The following AKT3 variants were observed in gnomAD, a reference collection of about 807,000 sequenced individuals.
The protein encoded by AKT3 is AKT serine/threonine kinase 3, also known as RAC-gamma serine/threonine-protein kinase.
In AKT3, 15 loss-of-function variants were observed where a neutral mutation model predicts 65.3. The observed-to-expected ratio is 0.23, with a 90% CI of 0.15 to 0.35. The LOEUF is 0.35. AKT3 is among the 10% of genes least tolerant of loss of function. The pLI, the probability that AKT3 is intolerant of heterozygous loss-of-function variation, is 1.00. For synonymous variants in AKT3, 206 were observed against 183.8 expected (o/e 1.12, Z -0.98); for missense variants, 243 against 576.5 (o/e 0.42, Z 5.92).
At chr1:243,544,272 G>A (rs1184799527) in intron 12 of AKT3, among the ~76,000 whole-genome samples, 1 of 149,048 alleles carries the variant, frequency 6.7e-6, no homozygotes, top group African/African-American at 2.5e-5. Context: ...AAAGCAGGGG[G>A]AGGGGGGGAC....
Position 243,661,484 on chromosome 1 carries a change from G to T in AKT3, c.284+3288C>A, listed in dbSNP as rs1356237526. Among the ~76,000 whole-genome samples the T allele has an allele frequency of 5.0e-4, 75 of 150,480 alleles. 1 individual carries two copies. Among genetic ancestry groups the T allele is most frequent in the Non-Finnish European group, 8.3e-4 (56 of 67,148 alleles). Reference sequence around the variant, plus strand: ...ATTCCCTATTTAATAAATGGTGCTGGGAAAACTGGCTAGCCATATGTAGAA... The same window carrying T: ...ATTCCCTATTTAATAAATGGTGCTGTGAAAACTGGCTAGCCATATGTAGAA... On this transcript the variant is annotated intron_variant, in intron 4 of 13. Coordinates refer to ENST00000673466, the MANE Select transcript of AKT3 (RefSeq NM_005465.7).
chr1:243,627,363 T>C (rs1679253690), intron 6 of AKT3, among the ~76,000 whole-genome samples: 1 of 151,826 alleles, frequency 6.6e-6, no homozygotes. Context: ...GACATACTGA[T>C]TGATCTTGAA....
intron 2 of AKT3, among the ~76,000 whole-genome samples, chr1:243,719,361 C>G (rs1686730027): frequency 6.6e-6 from 1 of 152,040 alleles, no homozygotes; most frequent in Non-Finnish European, 1.5e-5. Flanking sequence ...CCAAATTGTT[C>G]TATCTTTTAT....
intron 2 of AKT3, among the ~76,000 whole-genome samples, chr1:243,840,145 T>C (rs1695151529): frequency 6.6e-6 from 1 of 152,086 alleles, no homozygotes. Flanking sequence ...CATTCCAGCC[T>C]GGGTGACAGA....
chr1:243,600,914 G>T (rs994863708), intron 8 of AKT3, among the ~76,000 whole-genome samples: 4 of 152,040 alleles, frequency 2.6e-5, no homozygotes, highest in Non-Finnish European at 5.9e-5. Context: ...GCCTATCAGT[G>T]GTTTTCAGGG....
intron 3 of AKT3, among the ~76,000 whole-genome samples, chr1:243,670,941 A>T (rs1312682064): frequency 6.6e-6 from 1 of 152,204 alleles, no homozygotes; most frequent in Non-Finnish European, 1.5e-5. Context: ...CCAAAAAAAA[A>T]ATTTTTAGAG....
intron 12 of AKT3, 86 bp from the exon 13 acceptor site, chr1:243,512,512 T>C (rs370004233): frequency 1.3e-6 from 1 of 796,198 alleles, no homozygotes; most frequent in African/African-American, 1.8e-5. Flanking sequence ...AGCACGTAGT[T>C]AAATGAACAG....
At chr1:243,807,672 T>C (rs978478946) in intron 2 of AKT3, among the ~76,000 whole-genome samples, 2 of 152,222 alleles carry the variant, frequency 1.3e-5, no homozygotes, top group Non-Finnish European at 2.9e-5. Context: ...GTCTGACAGC[T>C]TGGAAGACAG....
intron 13 of AKT3, among the ~76,000 whole-genome samples, chr1:243,492,680 C>T (rs1442311600): frequency 1.5e-5 from 2 of 137,220 alleles, no homozygotes; most frequent in Admixed American, 8.0e-5. Flanking sequence ...TGGTCTTGGC[C>T]TACTGCAACC....
intron 8 of AKT3, among the ~76,000 whole-genome samples, chr1:243,612,200 C>A (rs1444153731): frequency 6.6e-6 from 1 of 152,074 alleles, no homozygotes; most frequent in African/African-American, 2.4e-5. Context: ...CCTTGACCTC[C>A]CAGGCTCAAG....
chr1:243,649,613 T>C (rs975157876), intron 4 of AKT3, among the ~76,000 whole-genome samples: 1 of 152,086 alleles, frequency 6.6e-6, no homozygotes, highest in Non-Finnish European at 1.5e-5. Context: ...CCTCCCTGTG[T>C]CCATGTGTTC....
chr1:243,836,317 A>G (rs532808446), intron 2 of AKT3, among the ~76,000 whole-genome samples: 2 of 152,238 alleles, frequency 1.3e-5, no homozygotes, highest in East Asian at 3.9e-4. Context: ...CATAAGGATA[A>G]AAGAAGCAAT....
intron 2 of AKT3, among the ~76,000 whole-genome samples, chr1:243,813,975 C>T (rs967895982): frequency 6.6e-6 from 1 of 152,082 alleles, no homozygotes; most frequent in Non-Finnish European, 1.5e-5. Flanking sequence ...GTGGTGCACA[C>T]CTGTAGTCCC....
intron 4 of AKT3, among the ~76,000 whole-genome samples, chr1:243,646,322 A>C (rs534790595): frequency 2.6e-5 from 4 of 152,226 alleles, no homozygotes; most frequent in African/African-American, 9.6e-5. Context: ...ATTTACATGA[A>C]AAGTTAAATT....
chr1:243,619,815 G>A lies in AKT3; in HGVS notation c.562-4654C>T, dbSNP rs1479653659. Among the ~76,000 whole-genome samples, 8 of 91,512 alleles carry A rather than the reference G, an allele frequency of 8.7e-5. 1 individual carries two copies. In the East Asian group the frequency reaches 2.3e-3, roughly 27 times the overall value. The allele number at this position is 91,512 out of a possible 152,430, so 60.0% of individuals were successfully genotyped here. On this transcript the variant is annotated intron_variant, in intron 6 of 13. Transcript: ENST00000673466. ...CTGCAATAAACCTAAGGGTGTAGAT[G>A]TCTCCCCGATATGATGATTTCCTTT...
At chr1:243,758,299 T>A (rs529386997) in intron 2 of AKT3, among the ~76,000 whole-genome samples, 1 of 152,256 alleles carries the variant, frequency 6.6e-6, no homozygotes, top group Non-Finnish European at 1.5e-5. Flanking sequence ...TGGGGAAGAC[T>A]AAAGTAACCA....
chr1:243,743,123 T>A (rs758733534), intron 2 of AKT3, among the ~76,000 whole-genome samples: 1 of 152,172 alleles, frequency 6.6e-6, no homozygotes, highest in African/African-American at 2.4e-5. Context: ...TAGGAGCACA[T>A]AGAAAAGTTG....
chr1:243,527,944 G>C (rs891237403), intron 12 of AKT3, among the ~76,000 whole-genome samples: 154 of 146,122 alleles, frequency 1.1e-3, no homozygotes, highest in African/African-American at 3.8e-3. Context: ...CACAGAGAGA[G>C]AGAGAGAGAG....
At chr1:243,618,098 G>T (rs1032303814) in intron 6 of AKT3, among the ~76,000 whole-genome samples, 5 of 152,088 alleles carry the variant, frequency 3.3e-5, no homozygotes, top group African/African-American at 1.2e-4. Flanking sequence ...ATTCTATTTT[G>T]TTAAAACAGG....
Sources: gnomAD v4.1 joint callset for allele counts (sites outside exome capture counted in the v4.1 genomes callset) on GRCh38, gnomAD v4.1.1 for gene constraint, MANE v1.5 for transcripts, NCBI Gene and HGNC (gene_info 2026-07-23, HGNC 2026-07-21) for gene names.